The following IBTK variants were observed in gnomAD, a reference collection of about 807,000 sequenced individuals.
IBTK encodes the protein inhibitor of Bruton tyrosine kinase, also known as BTK-binding protein.
Under a neutral mutation model 154.9 loss-of-function variants are expected in IBTK, and 83 were observed. The ratio of observed to expected loss-of-function variants is 0.54; its 90% CI spans 0.45 to 0.64. The LOEUF (loss-of-function observed/expected upper bound fraction) is 0.64. Ranked by LOEUF, IBTK falls within the 30% of genes least tolerant of loss-of-function variation. The pLI is 0.00. For missense variants in IBTK, 1,332 were observed against 1,584.6 expected (o/e 0.84, Z 2.71); for synonymous variants, 515 against 536.1 (o/e 0.96, Z 0.54).
At chr6:82,172,564 C>CAA (rs1361783975) in intron 27 of IBTK, 52 bp from the exon 28 acceptor site, 1 of 1,540,320 alleles carries the variant, frequency 6.5e-7, no homozygotes, top group East Asian at 2.3e-5. Flanking sequence ...TTTTTGCATG[C>CAA]AAAATTTTCT....
chr6:82,247,724 A>T lies in IBTK; in HGVS notation c.-520T>A. 1 of 398,186 alleles carries T rather than the reference A, an allele frequency of 2.5e-6. No individual in the cohort carries two copies. Among genetic ancestry groups the T allele is most frequent in the Non-Finnish European group, 4.4e-6 (1 of 225,906 alleles). The allele number at this position is 398,186 out of a possible 1,614,324, so 24.7% of individuals were successfully genotyped here. ...AGGCGGCTGCAATACAGCCGCTACT[A>T]CAGGAATCGGGAACGGGGATGTAGA... On this transcript the variant is annotated 5_prime_UTR_variant, in exon 1 of 29. Coordinates refer to ENST00000306270, the MANE Select transcript of IBTK (RefSeq NM_015525.4).
intron 13 of IBTK, 102 bp from the exon 14 acceptor site, chr6:82,211,674 C>T (rs1769649501): frequency 5.9e-6 from 5 of 847,130 alleles, no homozygotes; most frequent in South Asian, 4.5e-5. Context: ...TTAAAGGTGG[C>T]AGAGAATAAA....
intron 7 of IBTK, 137 bp from the exon 8 acceptor site, chr6:82,223,757 G>A (rs1770188335): frequency 7.4e-6 from 5 of 672,206 alleles, no homozygotes; most frequent in Non-Finnish European, 1.2e-5. Flanking sequence ...CCTGGAGCTC[G>A]AGACCAGCCT....
chr6:82,227,448 T>C, intron 4 of IBTK, 146 bp from the exon 5 acceptor site: 1 of 444,944 alleles, frequency 2.2e-6, no homozygotes, highest in Non-Finnish European at 3.9e-6. Context: ...ACATTTTAAG[T>C]TTCCTGTAAT....
intron 3 of IBTK, among the ~76,000 whole-genome samples, chr6:82,233,186 G>T (rs866530126): frequency 2.0e-5 from 3 of 150,770 alleles, no homozygotes; most frequent in Non-Finnish European, 4.4e-5. Context: ...AATTAATTGG[G>T]CATGGTGGCA....
chr6:82,188,052 C>CA (rs1316980148), intron 25 of IBTK, among the ~76,000 whole-genome samples: 2 of 152,104 alleles, frequency 1.3e-5, no homozygotes, highest in Non-Finnish European at 2.9e-5. Context: ...GAAAAACTGA[C>CA]AGACTAAAGA....
At chr6:82,215,008 AT>A (rs142520765) in intron 11 of IBTK, among the ~76,000 whole-genome samples, 179 bp from the exon 12 acceptor site, 4 of 152,150 alleles carry the variant, frequency 2.6e-5, no homozygotes, top group African/African-American at 4.8e-5. Context: ...TCATCCTTTA[AT>A]TTTTTTCTAT....
intron 19 of IBTK, 28 bp downstream of exon 19, chr6:82,201,394 C>G: frequency 6.5e-7 from 1 of 1,543,038 alleles, no homozygotes; most frequent in South Asian, 1.2e-5. Context: ...ATATTATAGC[C>G]GCGAAAATCT....
At chr6:82,220,103 A>G (rs1770041543) in intron 9 of IBTK, among the ~76,000 whole-genome samples, 1 of 152,128 alleles carries the variant, frequency 6.6e-6, no homozygotes, top group South Asian at 2.1e-4. Flanking sequence ...CCTGCTACTC[A>G]GGAGGCTGAG....
chr6:82,200,244 CAT>C lies in IBTK; in HGVS notation c.2920_2921del (p.Met974ValfsTer9). The C allele has an allele frequency of 1.2e-6, 2 of 1,610,474 alleles. No homozygotes were observed. Among genetic ancestry groups the C allele is most frequent in the Non-Finnish European group, 1.7e-6 (2 of 1,177,086 alleles). On this transcript the variant is annotated frameshift_variant, in exon 21 of 29. Coordinates refer to ENST00000306270, the MANE Select transcript of IBTK (RefSeq NM_015525.4). LOFTEE classifies it high-confidence loss of function. Reference sequence around the variant, plus strand: ...TAGCTTTTGTTTTTGCTTTCTTGAACATAGTTTCCCTAGGAAAAAGCAAACAT... The same window carrying C: ...TAGCTTTTGTTTTTGCTTTCTTGAACAGTTTCCCTAGGAAAAAGCAAACAT... ...INMEQNHSETMFKKAKTKAKK... is the reference protein window; with the variant it reads ...INMEQNHSETXFKKAKTKAKK...
chr6:82,238,588 C>T (rs762979855), intron 2 of IBTK, among the ~76,000 whole-genome samples: 3 of 151,992 alleles, frequency 2.0e-5, no homozygotes, highest in Non-Finnish European at 4.4e-5. Flanking sequence ...CAGGCATGTG[C>T]CACCACACCC....
rs774189644 is a variant in IBTK at position 82,191,638 on chromosome 6, T to C, written c.3431+149A>G. 1.4e-5 allele frequency: 10 copies of C among 705,602 alleles called. No individual in the cohort carries two copies. The South Asian group carries it at 1.5e-4, about 11-fold the overall frequency. The allele number at this position is 705,602 out of a possible 1,614,324, so 43.7% of individuals were successfully genotyped here. A position where few individuals can be genotyped will look rare whatever the true frequency, so the allele number is the denominator to read the frequency against. ...TCTTTAGCACATATTTAAGAAATAATATTATGGAGGCTAAATTGCCCAGAA... is the reference window on the plus strand; with the variant it reads ...TCTTTAGCACATATTTAAGAAATAACATTATGGAGGCTAAATTGCCCAGAA... On this transcript the variant is annotated intron_variant, in intron 24 of 28. Transcript: ENST00000306270.
chr6:82,171,473 T>C lies in IBTK; in HGVS notation c.4014A>G (p.Thr1338=). The C allele has an allele frequency of 6.2e-7, 1 of 1,613,468 alleles. No homozygotes were observed. Among genetic ancestry groups the C allele is most frequent in the Non-Finnish European group, 8.5e-7 (1 of 1,179,614 alleles). ...TAGGTACTGCCAGTGGTCCCTGCGGTGTCCTTTCAACAATGACAAACTCTT... is the reference window on the plus strand; with the variant it reads ...TAGGTACTGCCAGTGGTCCCTGCGGCGTCCTTTCAACAATGACAAACTCTT... ...NPEEFVIVER[T]PQGPLAVPMW... is the part of the protein sequence containing the mutation. Residue 1338 remains threonine (T), a synonymous_variant, in exon 29 of 29, where the codon ACA becomes ACG. Transcript: ENST00000306270.
intron 16 of IBTK, chr6:82,205,976 C>T (rs375768498): frequency 6.6e-6 from 1 of 152,006 alleles, no homozygotes; most frequent in African/African-American, 2.4e-5. Context: ...GAATGACAGA[C>T]TAAGAGCTTC....
intron 2 of IBTK, 57 bp from the exon 3 acceptor site, chr6:82,234,312 T>C: frequency 3.4e-6 from 2 of 589,462 alleles, no homozygotes; most frequent in Non-Finnish European, 5.0e-6. Context: ...ATTACCTATA[T>C]CATCAGTAAC....
chr6:82,173,380 G>T lies in IBTK; in HGVS notation c.3784C>A (p.Leu1262Ile). ...AATTAACCTTACTTGGGACTGTCTA[G>T]AAGTGGTAAATCTGAAATATGGTTG... is the stretch of plus-strand genomic sequence containing the variant. ...EGNHISDLPLLDSPNPWLSSS... is the reference protein window; with the variant it reads ...EGNHISDLPLIDSPNPWLSSS... Residue 1262 changes from leucine to isoleucine, a missense_variant, in exon 27 of 29, where the codon CTA becomes ATA. Coordinates refer to ENST00000306270, the MANE Select transcript of IBTK (RefSeq NM_015525.4). The T allele has an allele frequency of 6.2e-7, 1 of 1,612,956 alleles. No homozygotes were observed. The highest frequency in any genetic ancestry group is 8.5e-7 in the Non-Finnish European group (1 of 1,179,030).
intron 21 of IBTK, among the ~76,000 whole-genome samples, chr6:82,197,833 T>C (rs1769057574): frequency 6.6e-6 from 1 of 152,244 alleles, no homozygotes; most frequent in African/African-American, 2.4e-5. Context: ...GAATGCCGTT[T>C]GTCTAACTTT....
Position 82,216,109 on chromosome 6 carries a change from T to G in IBTK, c.1568A>C (p.Asn523Thr). 1 of 1,610,546 alleles carries G rather than the reference T, an allele frequency of 6.2e-7. No individual in the cohort carries two copies. The highest frequency in any genetic ancestry group is 8.5e-7 in the Non-Finnish European group (1 of 1,179,246). ...AGGATCTGACTGCAGGATTGCAAAG[T>G]TGCATCCACTTGGATCTGTGCTGAC... is the stretch of plus-strand genomic sequence containing the variant. The part of the protein sequence containing the change: ...VSVSTDPSGC[N>T]FAILQSDPKT... Residue 523 changes from asparagine (N) to threonine (T), a missense_variant, in exon 11 of 29, where the codon AAC becomes ACC. Transcript: ENST00000306270.
intron 1 of IBTK, among the ~76,000 whole-genome samples, chr6:82,242,334 A>G (rs1283835094): frequency 6.6e-6 from 1 of 151,594 alleles, no homozygotes; most frequent in Admixed American, 6.6e-5. Flanking sequence ...ACACCATTGC[A>G]CTCCAGCCTG....
Sources: gnomAD v4.1 joint callset for allele counts (sites outside exome capture counted in the v4.1 genomes callset) on GRCh38, gnomAD v4.1.1 for gene constraint, MANE v1.5 for transcripts, NCBI Gene and HGNC (gene_info 2026-07-23, HGNC 2026-07-21) for gene names.